AASS: variants seen among roughly 807,000 people sequenced by gnomAD.
AASS encodes the protein alpha-aminoadipic semialdehyde synthase, mitochondrial.
In AASS, 86 loss-of-function variants were observed where a neutral mutation model predicts 105.4. The ratio of observed to expected loss-of-function variants is 0.82; its 90% confidence interval spans 0.69 to 0.98. AASS has a LOEUF of 0.98. Among genes scored for constraint, AASS ranks in the 50% least tolerant of loss-of-function variants. AASS has a pLI of 0.00. For missense variants in AASS, 1,048 were observed against 1,143.2 expected (o/e 0.92, Z 1.20); for synonymous variants, 381 against 394.8 (o/e 0.96, Z 0.41).
chr7:122,083,440 A>G (rs1793472847), intron 19 of AASS, among the ~76,000 whole-genome samples: 2 of 152,130 alleles, frequency 1.3e-5, no homozygotes, highest in South Asian at 4.1e-4. Context: ...TTCATTCATC[A>G]ATAAGCATTT....
chr7:122,123,885 T>C (rs1448512642), intron 4 of AASS, among the ~76,000 whole-genome samples: 3 of 152,166 alleles, frequency 2.0e-5, no homozygotes, highest in African/African-American at 7.2e-5. Context: ...ATTTACTCCC[T>C]TCCTCCAAAT....
chr7:122,077,768 T>C (rs1793093815), intron 23 of AASS, 70 bp downstream of exon 23: 1 of 1,568,382 alleles, frequency 6.4e-7, no homozygotes, highest in Non-Finnish European at 8.8e-7. Context: ...AGCAATTACT[T>C]GATGTCCAGG....
intron 20 of AASS, 47 bp downstream of exon 20, chr7:122,081,453 G>C (rs772120908): frequency 1.4e-6 from 2 of 1,384,938 alleles, no homozygotes; most frequent in African/African-American, 2.8e-5. Context: ...CATTTCAGAA[G>C]GTATTTCTGA....
rs1047255682 is a variant in AASS at position 122,144,153 on chromosome 7, C to G, written c.-16+8G>C. The G allele has an allele frequency of 1.3e-5, 2 of 152,452 alleles. No homozygotes were observed. The highest frequency in any genetic ancestry group is 4.8e-5 in the African/African-American group (2 of 41,474). The allele number at this position is 152,452 out of a possible 1,614,324, so 9.4% of individuals were successfully genotyped here. A position where few individuals can be genotyped will look rare whatever the true frequency, so the allele number is the denominator to read the frequency against. ...TCAGCTCTCCGCGGGGACCTCTCCTCTCCTCACCTCGTCCGCTCTGGGGCG... is the reference window on the plus strand; with the variant it reads ...TCAGCTCTCCGCGGGGACCTCTCCTGTCCTCACCTCGTCCGCTCTGGGGCG... On this transcript the variant is annotated splice_region_variant and intron_variant, in intron 1 of 23. Coordinates refer to ENST00000417368, the MANE Select transcript of AASS (RefSeq NM_005763.4).
At chr7:122,125,517 C>T (rs1360446743) in intron 4 of AASS, among the ~76,000 whole-genome samples, 1 of 152,208 alleles carries the variant, frequency 6.6e-6, no homozygotes, top group Non-Finnish European at 1.5e-5. Flanking sequence ...CACGTCCACC[C>T]TACTGCTGTG....
chr7:122,075,653 G>A lies in AASS; in HGVS notation c.*836C>T, dbSNP rs1792964629. ...TTATTTTTTATTTTTTATTGTGAAA[G>A]GGTGTTGAATTTTGTTAAATACTTT... On this transcript the variant is annotated 3_prime_UTR_variant, in exon 24 of 24. Transcript: ENST00000417368. 1 of 152,054 alleles carries A rather than the reference G, an allele frequency of 6.6e-6. No individual in the cohort carries two copies. The highest frequency in any genetic ancestry group is 2.4e-5 in the African/African-American group (1 of 41,412). 9.4% of individuals were successfully genotyped at this position (152,054 alleles called of 1,614,324 possible).
At chr7:122,079,514 TA>T (rs1793205404) in intron 21 of AASS, 82 bp downstream of exon 21, 8 of 1,218,216 alleles carry the variant, frequency 6.6e-6, no homozygotes, top group Non-Finnish European at 9.7e-6. Context: ...AAGACAAATG[TA>T]AAATATTTAA....
At chr7:122,143,252 A>G (rs1796483685) in intron 1 of AASS, among the ~76,000 whole-genome samples, 1 of 152,102 alleles carries the variant, frequency 6.6e-6, no homozygotes, top group African/African-American at 2.4e-5. Context: ...CCCCACTGAT[A>G]ACCCACAACA....
At position 122,115,110 on chromosome 7, in the gene AASS, G is replaced by A; in HGVS notation, c.1007C>T (p.Pro336Leu). ...TGCAGGGCAGCCTTCCACACCAGCA[G>A]GTGAGAACTTGCCCGGAGCCAGGAG... is the stretch of plus-strand genomic sequence containing the variant. The part of the protein sequence containing the change: ...QSLLAPGKFS[P>L]AGVEGCPALP... Residue 336 changes from proline (P) to leucine (L), a missense_variant, in exon 9 of 24, where the codon CCT becomes CTT. Coordinates refer to ENST00000417368, the MANE Select transcript of AASS (RefSeq NM_005763.4). 1 of 1,614,158 alleles carries A rather than the reference G, an allele frequency of 6.2e-7. No homozygotes were observed. The highest frequency in any genetic ancestry group is 8.5e-7 in the Non-Finnish European group (1 of 1,180,012).
At chr7:122,113,340 AT>A in intron 10 of AASS, 111 bp from the exon 11 acceptor site, 2 of 1,118,034 alleles carry the variant, frequency 1.8e-6, no homozygotes, top group Middle Eastern at 3.9e-4. Context: ...GTAATTTTGT[AT>A]AAAAGTATAC....
rs1457424092 is a variant in AASS, at chr7:122,076,514, G to C, written c.2756C>G (p.Thr919Ser). Residue 919 changes from threonine to serine, a missense_variant, in exon 24 of 24, where the codon ACT becomes AGT. Thr to Ser is a moderately conservative substitution (Grantham distance 58). Coordinates refer to ENST00000417368, the MANE Select transcript of AASS (RefSeq NM_005763.4). ...TTATGGTTTAATTGTACTCTGTGTA[G>C]TATATATAATGCCTTCTGCTTTAAT... ...ERIKAEGIIY[T>S]TQSTIKP The C allele has an allele frequency of 2.0e-5, 33 of 1,612,662 alleles. No homozygotes were observed. The highest frequency in any genetic ancestry group is 2.7e-5 in the Non-Finnish European group (32 of 1,178,816).
chr7:122,116,394 G>A (rs1227642506), intron 8 of AASS, among the ~76,000 whole-genome samples: 1 of 152,166 alleles, frequency 6.6e-6, no homozygotes, highest in Non-Finnish European at 1.5e-5. Context: ...ATGTAGACCT[G>A]AAGCAGAAAT....
At chr7:122,103,528 T>A (rs1159798167) in intron 11 of AASS, among the ~76,000 whole-genome samples, 2 of 151,892 alleles carry the variant, frequency 1.3e-5, no homozygotes, top group Non-Finnish European at 1.5e-5. Context: ...AAAAATCCAC[T>A]GATAAAGGTA....
chr7:122,103,119 G>A (rs186260222), intron 11 of AASS, among the ~76,000 whole-genome samples: 125 of 152,084 alleles, frequency 8.2e-4, no homozygotes, highest in Non-Finnish European at 1.4e-3. Flanking sequence ...CCAAATATAT[G>A]AAGCTCAACA....
chr7:122,075,679 T>A lies in AASS; in HGVS notation c.*810A>T, dbSNP rs1792967221. 6.6e-6 allele frequency: 1 copy of A among 152,202 alleles called. No homozygotes were observed. The allele number at this position is 152,202 out of a possible 1,614,324, so 9.4% of individuals were successfully genotyped here. On this transcript the variant is annotated 3_prime_UTR_variant, in exon 24 of 24. Transcript: ENST00000417368. ...GGTGTTGAATTTTGTTAAATACTTT[T>A]CCTGTGCCTAATGAAGTGATCTTGT...
intron 4 of AASS, among the ~76,000 whole-genome samples, chr7:122,124,595 C>G (rs1276083360): frequency 2.0e-5 from 3 of 152,196 alleles, no homozygotes; most frequent in East Asian, 3.9e-4. Context: ...AAATACCTTT[C>G]TTATAGCAAT....
At chr7:122,077,723 G>A in intron 23 of AASS, 115 bp downstream of exon 23, 1 of 1,340,260 alleles carries the variant, frequency 7.5e-7, no homozygotes, top group East Asian at 2.3e-5. Context: ...TTCTAAGATG[G>A]TTCACTTTTA....
At chr7:122,133,013 T>C (rs1584898801) in intron 2 of AASS, among the ~76,000 whole-genome samples, 1 of 152,228 alleles carries the variant, frequency 6.6e-6, no homozygotes, top group East Asian at 1.9e-4. Flanking sequence ...TGTGGTTATG[T>C]AGAAAACATG....
At position 122,074,798 on chromosome 7, in the gene AASS, T is replaced by C. The variant is rs1427807839; in HGVS notation, c.*1691A>G. On this transcript the variant is annotated 3_prime_UTR_variant, in exon 24 of 24. Coordinates refer to ENST00000417368, the MANE Select transcript of AASS (RefSeq NM_005763.4). The stretch of plus-strand genomic sequence containing the variant: ...GTCAGTTGATGATAAATGTGATCAA[T>C]ATTTCTGGACCCTCAATTATATTGG... Among the ~76,000 whole-genome samples the C allele has an allele frequency of 1.3e-5, 2 of 152,210 alleles. No individual in the cohort carries two copies. Among genetic ancestry groups the C allele is most frequent in the Non-Finnish European group, 2.9e-5 (2 of 68,024 alleles).
Sources: gnomAD v4.1 joint callset for allele counts (sites outside exome capture counted in the v4.1 genomes callset) on GRCh38, gnomAD v4.1.1 for gene constraint, MANE v1.5 for transcripts, NCBI Gene and HGNC (gene_info 2026-07-23, HGNC 2026-07-21) for gene names.